ROS1: variants seen among roughly 807,000 people sequenced by gnomAD.
ROS1 encodes the protein ROS proto-oncogene 1, receptor tyrosine kinase.
ROS1 carries 263 observed loss-of-function variants against 273.5 expected under a neutral mutation model. The observed-to-expected ratio is 0.96, with a 90% confidence interval of 0.87 to 1.06. The LOEUF is 1.06. Ranked by LOEUF, ROS1 falls within the 50% of genes least tolerant of loss-of-function variation. The probability of loss-of-function intolerance (pLI) is 0.00; values close to 1 mark genes in which losing one functional copy is unlikely to be tolerated. For missense variants in ROS1, 2,833 were observed against 2,751.1 expected (o/e 1.03, Z -0.67); for synonymous variants, 1,008 against 954.1 (o/e 1.06, Z -1.04).
At chr6:117,294,582 C>T (rs1774077311) in intron 43 of ROS1, among the ~76,000 whole-genome samples, 2 of 151,924 alleles carry the variant, frequency 1.3e-5, no homozygotes, top group Admixed American at 1.3e-4. Flanking sequence ...ATCATTGAAA[C>T]TCTGAGATTT....
chr6:117,356,504 T>A, intron 26 of ROS1, 125 bp downstream of exon 26: 7 of 795,130 alleles, frequency 8.8e-6, no homozygotes, highest in Non-Finnish European at 1.3e-5. Context: ...CAAGAACACT[T>A]GGCATGGTAC....
rs1220313805 is a variant in ROS1, at chr6:117,396,277, C to T, written c.807-13G>A. On this transcript the variant is annotated splice_polypyrimidine_tract_variant and intron_variant, in intron 8 of 43. Transcript: ENST00000368507. ...TGCAATAGAAAACCTATTCCAAAAA[C>T]AATTTGGAGAGACGTGTTTCACATG... 6 of 1,591,412 alleles carry T rather than the reference C, an allele frequency of 3.8e-6. No individual in the cohort carries two copies. The highest frequency in any genetic ancestry group is 1.7e-4 in the Middle Eastern group (1 of 6,028).
At chr6:117,398,427 T>C (rs944326038) in intron 7 of ROS1, among the ~76,000 whole-genome samples, 2 of 152,174 alleles carry the variant, frequency 1.3e-5, no homozygotes, top group Non-Finnish European at 2.9e-5. Flanking sequence ...CCTGTAATCC[T>C]AGCACTTTGG....
intron 43 of ROS1, chr6:117,299,421 C>G (rs1774507862): frequency 6.6e-6 from 1 of 152,222 alleles, no homozygotes; most frequent in African/African-American, 2.4e-5. Flanking sequence ...AGGGTTGATT[C>G]AGCTGATGTC....
chr6:117,393,102 AC>A, intron 12 of ROS1, 121 bp downstream of exon 12: 2 of 710,606 alleles, frequency 2.8e-6, no homozygotes, highest in Non-Finnish European at 5.0e-6. Flanking sequence ...AATTAAATTC[AC>A]CTAAAGTAAG....
chr6:117,378,829 G>A (rs1771875153), intron 18 of ROS1, among the ~76,000 whole-genome samples: 1 of 152,090 alleles, frequency 6.6e-6, no homozygotes, highest in Admixed American at 6.6e-5. Context: ...CTCTTAAGCA[G>A]CATTCTCCTG....
chr6:117,357,831 A>G lies in ROS1; in HGVS notation c.3812T>C (p.Ile1271Thr), dbSNP rs1324096328. Residue 1271 changes from isoleucine to threonine, a missense_variant, in exon 25 of 44, where the codon ATT becomes ACT. Transcript: ENST00000368507. ...TAAAAGAGGATATACAGAAAAAGAAATTATTGTTGAATTCCTATTGTGAAT... is the reference window on the plus strand; with the variant it reads ...TAAAAGAGGATATACAGAAAAAGAAGTTATTGTTGAATTCCTATTGTGAAT... ...VKIHNRNSTI[I>T]SFSVYPLLSR... is the part of the protein sequence containing the mutation. 2.5e-6 allele frequency: 4 copies of G among 1,612,010 alleles called. 1 individual carries two copies. The East Asian group carries it at 8.9e-5, about 36-fold the overall frequency.
chr6:117,356,405 G>A (rs1779305805), intron 26 of ROS1, among the ~76,000 whole-genome samples: 1 of 152,148 alleles, frequency 6.6e-6, no homozygotes, highest in Non-Finnish European at 1.5e-5. Flanking sequence ...TAGCTCTATT[G>A]TTAATTACAA....
intron 22 of ROS1, among the ~76,000 whole-genome samples, chr6:117,360,809 AAAGT>A (rs1253328983): frequency 1.3e-5 from 2 of 152,260 alleles, no homozygotes; most frequent in Non-Finnish European, 2.9e-5. Flanking sequence ...ATTTTTAAAT[AAAGT>A]AAGGTCATTA....
chr6:117,335,044 G>A (rs1387810846), intron 32 of ROS1, among the ~76,000 whole-genome samples: 2 of 152,170 alleles, frequency 1.3e-5, no homozygotes, highest in Non-Finnish European at 2.9e-5. Flanking sequence ...TATCATCAGA[G>A]TGAACAGACA....
At chr6:117,421,664 T>C (rs920137915) in intron 1 of ROS1, among the ~76,000 whole-genome samples, 2 of 152,202 alleles carry the variant, frequency 1.3e-5, no homozygotes, top group African/African-American at 4.8e-5. Flanking sequence ...CACTCATCAG[T>C]TGATGGACAC....
At chr6:117,419,907 C>A (rs1264331823) in intron 1 of ROS1, among the ~76,000 whole-genome samples, 1 of 151,980 alleles carries the variant, frequency 6.6e-6, no homozygotes, top group Non-Finnish European at 1.5e-5. Flanking sequence ...ACAGTCAGGT[C>A]TAAGGGTTTC....
chr6:117,329,484 G>T (rs951794815), intron 32 of ROS1, 38 bp from the exon 33 acceptor site: 1 of 946,816 alleles, frequency 1.1e-6, no homozygotes, highest in Non-Finnish European at 1.7e-6. Context: ...TGATATGTTT[G>T]AAGTATTAAT....
At chr6:117,312,066 T>C (rs1422368291) in intron 39 of ROS1, among the ~76,000 whole-genome samples, 1 of 152,128 alleles carries the variant, frequency 6.6e-6, no homozygotes, top group Non-Finnish European at 1.5e-5. Flanking sequence ...TGCACCAGCC[T>C]TTCTACAAGT....
At chr6:117,378,373 G>A (rs913097654) in intron 18 of ROS1, among the ~76,000 whole-genome samples, 3 of 152,038 alleles carry the variant, frequency 2.0e-5, no homozygotes, top group African/African-American at 4.8e-5. Context: ...TGAATATATC[G>A]CAAAAGATTG....
intron 34 of ROS1, 129 bp from the exon 35 acceptor site, chr6:117,324,544 C>T (rs1776503911): frequency 1.8e-6 from 1 of 562,312 alleles, no homozygotes; most frequent in Non-Finnish European, 3.2e-6. Context: ...AGTTGTTAGA[C>T]CGTTGGTAGC....
At position 117,414,372 on chromosome 6, in the gene ROS1, G is replaced by C. The variant is rs907764186; in HGVS notation, c.255+147C>G. ...CCAAAATGGAATTTTACAGTCATCTGTATACTCAGAGTAATAACACTTTGA... is the reference window on the plus strand; with the variant it reads ...CCAAAATGGAATTTTACAGTCATCTCTATACTCAGAGTAATAACACTTTGA... On this transcript the variant is annotated intron_variant, in intron 4 of 43. Transcript: ENST00000368507. The C allele has an allele frequency of 4.7e-6, 3 of 637,548 alleles. No individual in the cohort carries two copies. The Admixed American group carries it at 1.0e-4, about 22-fold the overall frequency. The allele number at this position is 637,548 out of a possible 1,614,324, so 39.5% of individuals were successfully genotyped here. A position where few individuals can be genotyped will look rare whatever the true frequency, so the allele number is the denominator to read the frequency against.
chr6:117,340,729 G>T (rs2128620868), intron 31 of ROS1, among the ~76,000 whole-genome samples: 1 of 152,128 alleles, frequency 6.6e-6, no homozygotes, highest in African/African-American at 2.4e-5. Context: ...CTTCTCTCTT[G>T]TTACTGCACA....
At chr6:117,396,681 T>C (rs1426465205) in intron 8 of ROS1, among the ~76,000 whole-genome samples, 2 of 152,232 alleles carry the variant, frequency 1.3e-5, no homozygotes, top group Non-Finnish European at 1.5e-5. Flanking sequence ...ATTAGCCATA[T>C]TTATAAGTAT....
Sources: allele counts gnomAD v4.1 joint callset (sites outside exome capture counted in the v4.1 genomes callset), GRCh38; gene constraint gnomAD v4.1.1; transcripts MANE v1.5; gene names NCBI Gene and HGNC (gene_info 2026-07-23, HGNC 2026-07-21).